TNKS: variants seen among roughly 807,000 people sequenced by gnomAD.
The protein encoded by TNKS is tankyrase.
A neutral mutation model predicts 135.8 loss-of-function variants in TNKS; 72 were observed. The observed-to-expected ratio is 0.53, with a 90% confidence interval of 0.44 to 0.64. The LOEUF is 0.64. Ranked by LOEUF, TNKS falls within the 30% of genes least tolerant of loss-of-function variation. TNKS has a pLI of 0.00. For missense variants in TNKS, 1,769 were observed against 1,674.0 expected (o/e 1.06, Z -0.99); for synonymous variants, 849 against 649.3 (o/e 1.31, Z -4.68).
chr8:9,618,900 C>T (rs770032349), intron 3 of TNKS, among the ~76,000 whole-genome samples: 2 of 152,174 alleles, frequency 1.3e-5, no homozygotes, highest in Non-Finnish European at 2.9e-5. Context: ...CTTAATAGTA[C>T]ATATTTTTGT....
chr8:9,575,679 C>G (rs1797919946), intron 1 of TNKS, among the ~76,000 whole-genome samples: 3 of 152,036 alleles, frequency 2.0e-5, no homozygotes, highest in Non-Finnish European at 4.4e-5. Context: ...TAAAGAACGC[C>G]TGCAGAATCA....
intron 1 of TNKS, chr8:9,575,429 A>G (rs1797910545): frequency 3.0e-6 from 3 of 985,172 alleles, no homozygotes; most frequent in Non-Finnish European, 3.6e-6. Flanking sequence ...CTAGATATCT[A>G]GACTTATTCT....
chr8:9,650,734 A>G (rs1347519719), intron 3 of TNKS, among the ~76,000 whole-genome samples: 1 of 152,012 alleles, frequency 6.6e-6, no homozygotes, highest in Non-Finnish European at 1.5e-5. Context: ...TCAGATGCAT[A>G]GTTTGCAAAG....
chr8:9,663,379 C>T (rs1046733151), intron 3 of TNKS, among the ~76,000 whole-genome samples: 1 of 152,146 alleles, frequency 6.6e-6, no homozygotes. Context: ...AATACAAACA[C>T]GTGTGTGTAT....
At chr8:9,764,227 C>A (rs1807303796) in intron 22 of TNKS, among the ~76,000 whole-genome samples, 1 of 151,616 alleles carries the variant, frequency 6.6e-6, no homozygotes, top group South Asian at 2.1e-4. Context: ...ACAGTTATTC[C>A]CTTTAGTAGT....
At chr8:9,603,115 C>T (rs546155619) in intron 2 of TNKS, among the ~76,000 whole-genome samples, 1 of 151,904 alleles carries the variant, frequency 6.6e-6, no homozygotes, top group Non-Finnish European at 1.5e-5. Flanking sequence ...TACAGTGGCG[C>T]GATCTTGGCT....
chr8:9,659,845 C>T (rs930307558), intron 3 of TNKS, among the ~76,000 whole-genome samples: 9 of 151,946 alleles, frequency 5.9e-5, no homozygotes, highest in Non-Finnish European at 1.0e-4. Context: ...GCTAGCGAGA[C>T]TAATAAAGAA....
chr8:9,609,929 C>G (rs940896036), intron 2 of TNKS, among the ~76,000 whole-genome samples: 4 of 152,150 alleles, frequency 2.6e-5, no homozygotes, highest in Non-Finnish European at 5.9e-5. Context: ...ACAATCTCAG[C>G]TCACTGCAAG....
intron 11 of TNKS, among the ~76,000 whole-genome samples, chr8:9,717,105 T>A (rs537405797): frequency 5.8e-4 from 23 of 39,466 alleles, no homozygotes; most frequent in Admixed American, 2.8e-3. Flanking sequence ...ATATATATTT[T>A]CAGGGAATTT....
chr8:9,710,275 C>G (rs766043640), intron 11 of TNKS, 55 bp downstream of exon 11: 5 of 1,501,856 alleles, frequency 3.3e-6, no homozygotes, highest in Non-Finnish European at 4.6e-6. Context: ...GCCAGCTGCT[C>G]TTAACACTGC....
intron 5 of TNKS, among the ~76,000 whole-genome samples, chr8:9,697,524 A>G (rs1403288226): frequency 1.3e-5 from 2 of 152,190 alleles, no homozygotes; most frequent in Non-Finnish European, 2.9e-5. Context: ...ACAGAATGGG[A>G]GAAAATACTC....
Position 9,672,702 on chromosome 8 carries a change from AC to A in TNKS, c.995-7248del, listed in dbSNP as rs1563158387. ...CACATACACACACACACACACACAC[AC>A]ACACACACAAAAAAAAAAAAACAAA... is the stretch of plus-strand genomic sequence containing the variant. On this transcript the variant is annotated intron_variant, in intron 3 of 26. Transcript: ENST00000310430. Among the ~76,000 whole-genome samples, 51 of 125,376 alleles carry A rather than the reference AC, an allele frequency of 4.1e-4. 1 individual carries two copies. The highest frequency in any genetic ancestry group is 1.4e-3 in the African/African-American group (48 of 34,742). The allele number at this position is 125,376 out of a possible 152,430, so 82.3% of individuals were successfully genotyped here.
chr8:9,664,350 G>T (rs992240600), intron 3 of TNKS, among the ~76,000 whole-genome samples: 1 of 152,138 alleles, frequency 6.6e-6, no homozygotes, highest in Non-Finnish European at 1.5e-5. Context: ...GGAACTAATA[G>T]AGTGAGAACT....
intron 12 of TNKS, among the ~76,000 whole-genome samples, chr8:9,720,776 C>T (rs1804837808): frequency 6.6e-6 from 1 of 152,120 alleles, no homozygotes; most frequent in Non-Finnish European, 1.5e-5. Flanking sequence ...AAACCTGACT[C>T]ATGAGTGTTC....
intron 20 of TNKS, among the ~76,000 whole-genome samples, chr8:9,760,402 C>T (rs1188098915): frequency 6.6e-6 from 1 of 152,172 alleles, no homozygotes; most frequent in South Asian, 2.1e-4. Flanking sequence ...AAAGATCAAA[C>T]TCATATTTTA....
chr8:9,625,120 G>C (rs1378156777), intron 3 of TNKS, among the ~76,000 whole-genome samples: 3 of 151,810 alleles, frequency 2.0e-5, no homozygotes, highest in African/African-American at 7.3e-5. Flanking sequence ...AAACTAATTG[G>C]GTTATTTATT....
rs140823807 is a variant in TNKS, at chr8:9,735,428, A to T, written c.2585A>T (p.Asp862Val). Residue 862 changes from aspartate (D) to valine (V), a missense_variant, in exon 17 of 27, where the codon GAT (aspartate) becomes GTT (valine). This residue lies in a region of TNKS where 722 missense variants were observed against 688.9 expected (regional missense o/e 1.05). Coordinates refer to ENST00000310430, the MANE Select transcript of TNKS (RefSeq NM_003747.3). ...GAATATCTTCTAGAGCATGGAGCTG[A>T]TGTTAATGCCCAGGACAAGGGTGGT... ...VAEYLLEHGA[D>V]VNAQDKGGLI... The T allele has an allele frequency of 6.2e-7, 1 of 1,614,114 alleles. No homozygotes were observed. The highest frequency in any genetic ancestry group is 1.3e-5 in the African/African-American group (1 of 75,022).
Position 9,624,017 on chromosome 8 carries a change from A to AAAC in TNKS, c.994+8361_994+8363dup, listed in dbSNP as rs570130310. 6.4e-4 allele frequency among the ~76,000 whole-genome samples: 89 copies of AAAC among 139,334 alleles called. 1 individual carries two copies. The South Asian group carries it at 0.013, about 20-fold the overall frequency. The allele number at this position is 139,334 out of a possible 152,430, so 91.4% of individuals were successfully genotyped here. A position where few individuals can be genotyped will look rare whatever the true frequency, so the allele number is the denominator to read the frequency against. On this transcript the variant is annotated intron_variant, in intron 3 of 26. Transcript: ENST00000310430. ...AGACATCGTCTCAAGAAAAAAGGAA[A>AAAC]AACAACAACAACAACAACAACAAAA...
chr8:9,769,760 C>T (rs1807706478), intron 25 of TNKS, among the ~76,000 whole-genome samples: 1 of 151,902 alleles, frequency 6.6e-6, no homozygotes, highest in Non-Finnish European at 1.5e-5. Flanking sequence ...GCTGAGACTA[C>T]AGGCGCCCGC....
Sources: gnomAD v4.1 joint callset for allele counts (sites outside exome capture counted in the v4.1 genomes callset) on GRCh38, gnomAD v4.1.1 for gene constraint, gnomAD v4.1.1 regional missense constraint, MANE v1.5 for transcripts, NCBI Gene and HGNC (gene_info 2026-07-23, HGNC 2026-07-21) for gene names.